NAF1: variants seen among roughly 807,000 people sequenced by gnomAD.
NAF1 encodes the protein H/ACA ribonucleoprotein complex non-core subunit NAF1.
In NAF1, 11 loss-of-function variants were observed where a neutral mutation model predicts 40.6. The ratio of observed to expected loss-of-function variants is 0.27; its 90% CI spans 0.17 to 0.45. The LOEUF (loss-of-function observed/expected upper bound fraction) is 0.45. Ranked by LOEUF, NAF1 falls within the 20% of genes least tolerant of loss-of-function variation. The pLI, the probability that NAF1 is intolerant of heterozygous loss-of-function variation, is 1.00. For synonymous variants in NAF1, 260 were observed against 228.5 expected, an observed-to-expected ratio of 1.14 and a Z score of -1.24; for missense variants, 607 against 611.1, an observed-to-expected ratio of 0.99 and a Z score of 0.07.
intron 2 of NAF1, among the ~76,000 whole-genome samples, chr4:163,116,180 T>C (rs537729252): frequency 6.6e-6 from 1 of 152,144 alleles, no homozygotes; most frequent in Non-Finnish European, 1.5e-5. Context: ...TAAACAACAA[T>C]CCAGTTTCCA....
At chr4:163,113,305 C>A (rs1423906449) in intron 2 of NAF1, among the ~76,000 whole-genome samples, 1 of 151,974 alleles carries the variant, frequency 6.6e-6, no homozygotes. Context: ...CCCCTCTGGT[C>A]CTCTCCCAAT....
chr4:163,115,789 A>C (rs1445133540), intron 2 of NAF1, among the ~76,000 whole-genome samples: 1 of 152,202 alleles, frequency 6.6e-6, no homozygotes, highest in Non-Finnish European at 1.5e-5. Context: ...CAGTGTTACT[A>C]ATAGGAAATT....
Position 163,148,428 on chromosome 4 carries a change from G to A in NAF1, c.547C>T (p.Pro183Ser). The A allele has an allele frequency of 6.4e-7, 1 of 1,568,878 alleles. No homozygotes were observed. Among genetic ancestry groups the A allele is most frequent in the Non-Finnish European group, 8.6e-7 (1 of 1,162,978 alleles). Residue 183 changes from proline to serine, a missense_variant, in exon 3 of 8, where the codon CCT becomes TCT. Pro to Ser is a moderately conservative substitution (Grantham distance 74). Transcript: ENST00000274054. ...TKDELLLNELPSVEELTIILP... is the reference protein window; with the variant it reads ...TKDELLLNELSSVEELTIILP... Reference sequence around the variant, plus strand: ...ATAATAGTGAGTTCTTCAACAGAAGGCAGTTCCTATAATTTAAAACAAAAC... The same window carrying A: ...ATAATAGTGAGTTCTTCAACAGAAGACAGTTCCTATAATTTAAAACAAAAC...
intron 2 of NAF1, among the ~76,000 whole-genome samples, chr4:163,154,605 G>A (rs561258526): frequency 6.6e-6 from 1 of 152,156 alleles, no homozygotes; most frequent in Non-Finnish European, 1.5e-5. Flanking sequence ...AGGAATGGTG[G>A]CTCATGCCTG....
intron 2 of NAF1, among the ~76,000 whole-genome samples, chr4:163,113,192 A>C (rs1474099594): frequency 6.6e-6 from 1 of 152,188 alleles, no homozygotes; most frequent in Non-Finnish European, 1.5e-5. Context: ...ATATATAGAT[A>C]GTTCCAGAAT....
intron 2 of NAF1, among the ~76,000 whole-genome samples, chr4:163,150,751 T>C (rs1731666576): frequency 6.6e-6 from 1 of 152,116 alleles, no homozygotes; most frequent in South Asian, 2.1e-4. Context: ...TTCTTTTACA[T>C]ATATCTTTGT....
downstream of NAF1, among the ~76,000 whole-genome samples, chr4:163,107,757 C>A (rs1342931847): frequency 6.6e-6 from 1 of 152,142 alleles, no homozygotes; most frequent in Non-Finnish European, 1.5e-5. Flanking sequence ...TGGTTATCCC[C>A]TCCACCCTGC....
At position 163,129,345 on chromosome 4, in the gene NAF1, T is replaced by G. The variant is rs1304772543; in HGVS notation, c.1037A>C (p.Glu346Ala). The change falls in exon 8 of 8, where the codon GAA becomes GCA. Residue 346 changes from glutamate to alanine, a missense_variant. Coordinates refer to ENST00000274054, the MANE Select transcript of NAF1 (RefSeq NM_138386.3). ...ATTCTGATGTACTTCAGTAAAATCTTCACCTTTGAGTGAGGGGAGGGAAAA... is the reference window on the plus strand; with the variant it reads ...ATTCTGATGTACTTCAGTAAAATCTGCACCTTTGAGTGAGGGGAGGGAAAA... Reference protein sequence around the residue: ...KLKSEFNEPGEDFTEVHQNWN... With the variant: ...KLKSEFNEPGADFTEVHQNWN... 1 of 1,602,470 alleles carries G rather than the reference T, an allele frequency of 6.2e-7. No individual in the cohort carries two copies. Among genetic ancestry groups the G allele is most frequent in the Non-Finnish European group, 8.5e-7 (1 of 1,170,022 alleles).
intron 2 of NAF1, among the ~76,000 whole-genome samples, chr4:163,161,580 T>A (rs959894766): frequency 6.6e-6 from 1 of 152,108 alleles, no homozygotes; most frequent in East Asian, 1.9e-4. Flanking sequence ...TCCAGAGGCA[T>A]GTAAAAGAAA....
chr4:163,108,648 T>C (rs1231811715), downstream of NAF1: 2 of 152,244 alleles, frequency 1.3e-5, no homozygotes, highest in East Asian at 3.8e-4. Context: ...ACTGATATTT[T>C]CTTCCATTAT....
At chr4:163,104,149 C>T in the NAF1 span, among the ~76,000 whole-genome samples, 2 of 152,056 alleles carry the variant, frequency 1.3e-5, no homozygotes. Flanking sequence ...CAAGGTTAAT[C>T]GCTCAGTTAA....
chr4:163,132,780 T>C (rs1366971975), intron 7 of NAF1, among the ~76,000 whole-genome samples: 1 of 152,230 alleles, frequency 6.6e-6, no homozygotes, highest in Non-Finnish European at 1.5e-5. Context: ...TGTGAATCTA[T>C]GGTTATCTCA....
chr4:163,148,495 T>TA, intron 2 of NAF1, 61 bp from the exon 3 acceptor site: 1 of 1,187,806 alleles, frequency 8.4e-7, no homozygotes, highest in Non-Finnish European at 1.2e-6. Context: ...TTAAAAAAAA[T>TA]AAATTTTCCA....
At chr4:163,116,269 G>A (rs1483889894) in intron 2 of NAF1, among the ~76,000 whole-genome samples, 5 of 152,140 alleles carry the variant, frequency 3.3e-5, no homozygotes, top group Admixed American at 3.3e-4. Context: ...AAAATGTGTA[G>A]TTTAATTATG....
chr4:163,109,684 T>G (rs767981141), downstream of NAF1, among the ~76,000 whole-genome samples: 2 of 152,208 alleles, frequency 1.3e-5, no homozygotes, highest in Non-Finnish European at 2.9e-5. Context: ...AAGAATGCTA[T>G]GACTTGTTTC....
intron 4 of NAF1, among the ~76,000 whole-genome samples, chr4:163,141,640 A>C (rs1040369021): frequency 7.9e-5 from 12 of 152,342 alleles, no homozygotes; most frequent in African/African-American, 2.9e-4. Context: ...TGATGCCATG[A>C]TAAACATATA....
chr4:163,146,183 C>A (rs940468688), intron 3 of NAF1, among the ~76,000 whole-genome samples: 1 of 152,012 alleles, frequency 6.6e-6, no homozygotes, highest in Non-Finnish European at 1.5e-5. Context: ...TAATTTTTAC[C>A]AAAAATAGTG....
chr4:163,145,722 A>G, intron 4 of NAF1, 60 bp downstream of exon 4: 1 of 1,098,756 alleles, frequency 9.1e-7, no homozygotes, highest in Non-Finnish European at 1.3e-6. Context: ...TGATGGGGAA[A>G]GTCAGAAAAA....
downstream of NAF1, among the ~76,000 whole-genome samples, chr4:163,125,731 C>T (rs1187884093): frequency 1.3e-5 from 2 of 152,186 alleles, no homozygotes; most frequent in Non-Finnish European, 2.9e-5. Context: ...TTTCAGTGTA[C>T]ATAAAATAGC....
Sources: allele counts gnomAD v4.1 joint callset (sites outside exome capture counted in the v4.1 genomes callset), GRCh38; gene constraint gnomAD v4.1.1; transcripts MANE v1.5; gene names NCBI Gene and HGNC (gene_info 2026-07-23, HGNC 2026-07-21).